The following ZBTB38 variants were observed in gnomAD, a reference collection of about 807,000 sequenced individuals.
The protein encoded by ZBTB38 is zinc finger and BTB domain containing 38.
Under a neutral mutation model 76.8 loss-of-function variants are expected in ZBTB38, and 20 were observed. That is an observed-to-expected ratio of 0.26 (90% confidence interval 0.18 to 0.38). The LOEUF (loss-of-function observed/expected upper bound fraction) is 0.38. Among genes scored for constraint, ZBTB38 ranks in the 10% least tolerant of loss-of-function variants. ZBTB38 has a pLI of 1.00. For missense variants in ZBTB38, 1,082 were observed against 1,482.3 expected (o/e 0.73, Z 4.43); for synonymous variants, 504 against 544.2 (o/e 0.93, Z 1.03).
At chr3:141,406,508 A>G (rs1577124501) in intron 5 of ZBTB38, among the ~76,000 whole-genome samples, 3 of 152,298 alleles carry the variant, frequency 2.0e-5, no homozygotes, top group South Asian at 4.1e-4. Flanking sequence ...AAGGAGCTAC[A>G]TTTTAGAGGT....
At chr3:141,439,051 C>A (rs968697177) in intron 5 of ZBTB38, among the ~76,000 whole-genome samples, 2 of 151,332 alleles carry the variant, frequency 1.3e-5, no homozygotes, top group African/African-American at 4.9e-5. Flanking sequence ...TGGAAGTAAT[C>A]CAGGGCCTCT....
intron 5 of ZBTB38, among the ~76,000 whole-genome samples, chr3:141,429,156 T>G (rs7653462): frequency 0.089 from 13,473 of 152,102 alleles, 2,028 homozygotes; most frequent in African/African-American, 0.31. Flanking sequence ...TGCAGTATAT[T>G]GGAATGTTGA....
chr3:141,361,724 T>C (rs1267965450), intron 1 of ZBTB38, among the ~76,000 whole-genome samples: 2 of 152,150 alleles, frequency 1.3e-5, no homozygotes, highest in African/African-American at 2.4e-5. Context: ...AGTTACTCCT[T>C]CTCCAAGTGT....
chr3:141,412,771 A>G lies in ZBTB38; in HGVS notation c.-1+8740A>G, dbSNP rs190854730. On this transcript the variant is annotated intron_variant, in intron 5 of 5. Transcript: ENST00000321464. ...CTCACTGGAACTTAGCTCCCTTAAT[A>G]TTCTTTCTCCCTCCCACAATTTTTT... Among the ~76,000 whole-genome samples, 4 of 150,708 alleles carry G rather than the reference A, an allele frequency of 2.7e-5. No individual in the cohort carries two copies. In the East Asian group the frequency reaches 7.8e-4, roughly 29 times the overall value.
chr3:141,444,842 C>T lies in ZBTB38; in HGVS notation c.2454C>T (p.Tyr818=), dbSNP rs2080880223. ...IAEETSKIET[Y]IAKPALPGTS... is the part of the protein sequence containing the mutation. ...AAGAAACCAGCAAAATTGAAACCTACATTGCAAAACCTGCTCTGCCGGGAA... is the reference window on the plus strand; with the variant it reads ...AAGAAACCAGCAAAATTGAAACCTATATTGCAAAACCTGCTCTGCCGGGAA... The change falls in exon 6 of 6, where the codon TAC becomes TAT. Residue 818 remains tyrosine, a synonymous_variant. Coordinates refer to ENST00000321464, the MANE Select transcript of ZBTB38 (RefSeq NM_001376113.1). The surrounding 1 kb of genome is among the most constrained non-coding windows in gnomAD (Gnocchi z 5.1). 1.2e-6 allele frequency: 2 copies of T among 1,614,130 alleles called. No individual in the cohort carries two copies. The highest frequency in any genetic ancestry group is 2.2e-5 in the South Asian group (2 of 91,076).
intron 5 of ZBTB38, among the ~76,000 whole-genome samples, chr3:141,419,846 C>T (rs1306918525): frequency 3.9e-5 from 6 of 152,004 alleles, no homozygotes; most frequent in African/African-American, 1.5e-4. Context: ...ATTAGCAAGG[C>T]GTGGTGGTGC....
upstream of ZBTB38, among the ~76,000 whole-genome samples, chr3:141,365,697 T>C (rs1294426766): frequency 6.6e-6 from 1 of 152,040 alleles, no homozygotes; most frequent in Non-Finnish European, 1.5e-5. Flanking sequence ...AGACAGAAAC[T>C]AGATGAGTGG....
At chr3:141,401,851 T>G (rs867282998) in intron 4 of ZBTB38, among the ~76,000 whole-genome samples, 1 of 152,214 alleles carries the variant, frequency 6.6e-6, no homozygotes, top group Non-Finnish European at 1.5e-5. Flanking sequence ...CGTGAAATAG[T>G]TTCTGTGCCA....
At chr3:141,402,619 C>T (rs1231211207) in intron 4 of ZBTB38, among the ~76,000 whole-genome samples, 1 of 151,522 alleles carries the variant, frequency 6.6e-6, no homozygotes, top group Non-Finnish European at 1.5e-5. Flanking sequence ...GCAAACGCAG[C>T]AGAACCGAGC....
At chr3:141,352,101 C>A (rs74321315) in intron 1 of ZBTB38, among the ~76,000 whole-genome samples, 4,029 of 152,214 alleles carry the variant, frequency 0.026, 208 homozygotes, top group African/African-American at 0.091. Flanking sequence ...AGTCCTTGCT[C>A]TCACCAAGCT....
intron 5 of ZBTB38, among the ~76,000 whole-genome samples, chr3:141,429,830 C>T (rs1194910222): frequency 6.6e-6 from 1 of 152,084 alleles, no homozygotes; most frequent in Non-Finnish European, 1.5e-5. Flanking sequence ...GGCCACAGGG[C>T]CAGAAGAGAC....
intron 2 of ZBTB38, among the ~76,000 whole-genome samples, chr3:141,372,109 C>A (rs1944697305): frequency 6.6e-6 from 1 of 152,200 alleles, no homozygotes; most frequent in South Asian, 2.1e-4. Flanking sequence ...TGTTACTGGC[C>A]AATTTGCCAC....
chr3:141,325,645 G>A (rs892716957), intron 1 of ZBTB38, among the ~76,000 whole-genome samples: 1 of 152,144 alleles, frequency 6.6e-6, no homozygotes, highest in Non-Finnish European at 1.5e-5. Flanking sequence ...GGCAAATTCA[G>A]AAAAATCTTC....
At chr3:141,435,406 T>A (rs934610896) in intron 5 of ZBTB38, among the ~76,000 whole-genome samples, 4 of 152,234 alleles carry the variant, frequency 2.6e-5, no homozygotes, top group African/African-American at 9.6e-5. Flanking sequence ...TATTTATATA[T>A]TCATGCTTGT....
At chr3:141,346,051 T>C (rs1220507882) in intron 1 of ZBTB38, among the ~76,000 whole-genome samples, 1 of 152,208 alleles carries the variant, frequency 6.6e-6, no homozygotes, top group Non-Finnish European at 1.5e-5. Flanking sequence ...TCCACTGCTC[T>C]AAATAGTGGC....
rs117766712 is a variant in ZBTB38, at chr3:141,418,888, A to G, written c.-1+14857A>G. On this transcript the variant is annotated intron_variant, in intron 5 of 5. Coordinates refer to ENST00000321464, the MANE Select transcript of ZBTB38 (RefSeq NM_001376113.1). ...GTAAACGCAAGATGGTAGAAAATAC[A>G]AAGTAGAATATTTACGTGATCACCT... Among the ~76,000 whole-genome samples, 9 of 152,360 alleles carry G rather than the reference A, an allele frequency of 5.9e-5. No homozygotes were observed. The East Asian group carries it at 1.7e-3, about 29-fold the overall frequency.
intron 1 of ZBTB38, among the ~76,000 whole-genome samples, chr3:141,334,452 T>C (rs139478600): frequency 0.22 from 27,904 of 126,394 alleles, 3,309 homozygotes; most frequent in Non-Finnish European, 0.25. Context: ...TTCTTTCCTT[T>C]CTTCCTTCCT....
intron 1 of ZBTB38, among the ~76,000 whole-genome samples, chr3:141,334,695 C>T (rs1304400605): frequency 1.3e-5 from 2 of 152,034 alleles, no homozygotes; most frequent in African/African-American, 4.8e-5. Context: ...CTATACCTTC[C>T]CCAGCCCCCG....
At chr3:141,406,382 G>C (rs567619945) in intron 5 of ZBTB38, among the ~76,000 whole-genome samples, 1 of 152,294 alleles carries the variant, frequency 6.6e-6, no homozygotes, top group South Asian at 2.1e-4. Flanking sequence ...AAATGGGAAA[G>C]GAATAGATGC....
Sources: allele counts gnomAD v4.1 joint callset (sites outside exome capture counted in the v4.1 genomes callset), GRCh38; gene constraint gnomAD v4.1.1; non-coding constraint Gnocchi (gnomAD v3.1); transcripts MANE v1.5; gene names NCBI Gene and HGNC (gene_info 2026-07-23, HGNC 2026-07-21).